KDM4C: variants seen among roughly 807,000 people sequenced by gnomAD.
KDM4C encodes lysine-specific demethylase 4C.
A neutral mutation model predicts 129.3 loss-of-function variants in KDM4C; 81 were observed. That is an observed-to-expected ratio of 0.63 (90% CI 0.52 to 0.75). KDM4C has a LOEUF of 0.75. KDM4C is among the 30% of genes least tolerant of loss of function. The pLI, the probability that KDM4C is intolerant of heterozygous loss-of-function variation, is 0.00. For synonymous variants in KDM4C, 573 were observed against 456.1 expected (o/e 1.26, Z -3.26); for missense variants, 1,457 against 1,304.0 (o/e 1.12, Z -1.81).
chr9:6,863,259 T>C (rs962572452), intron 5 of KDM4C, among the ~76,000 whole-genome samples: 1 of 152,184 alleles, frequency 6.6e-6, no homozygotes, highest in Non-Finnish European at 1.5e-5. Flanking sequence ...TTATTGTTTT[T>C]GAGATGTTTT....
chr9:6,783,538 G>A (rs1442578038), intron 1 of KDM4C, among the ~76,000 whole-genome samples: 1 of 152,122 alleles, frequency 6.6e-6, no homozygotes, highest in African/African-American at 2.4e-5. Context: ...ATCTCCCATA[G>A]TGTCTGTGTT....
chr9:6,853,783 T>G (rs915420930), intron 5 of KDM4C, among the ~76,000 whole-genome samples: 151 of 152,300 alleles, frequency 9.9e-4, no homozygotes, highest in African/African-American at 3.6e-3. Context: ...GAATGAATAT[T>G]GACTTTGGAG....
At position 6,730,353 on chromosome 9, in the gene KDM4C, C is replaced by G. The variant is rs970416375; in HGVS notation, c.49+9356C>G. Among the ~76,000 whole-genome samples, 8 of 152,070 alleles carry G rather than the reference C, an allele frequency of 5.3e-5. No individual in the cohort carries two copies. The East Asian group carries it at 1.5e-3, about 29-fold the overall frequency. On this transcript the variant is annotated intron_variant, in intron 1 of 17. Transcript: ENST00000536108. ...TTGAGCGGCTGGGCGTGGTGGCTCA[C>G]GCCTGTAATTCCAGCACTTTCGGAG... is the stretch of plus-strand genomic sequence containing the variant.
chr9:6,812,739 C>T lies in KDM4C; in HGVS notation c.321-1892C>T, dbSNP rs115180378. Among the ~76,000 whole-genome samples the T allele has an allele frequency of 3.3e-3, 496 of 152,292 alleles. 1 individual carries two copies. Among genetic ancestry groups the T allele is most frequent in the African/African-American group, 0.012 (479 of 41,566 alleles). On this transcript the variant is annotated intron_variant, in intron 3 of 21. Transcript: ENST00000381309. ...CCATTCTCCGGGAAATAGGGATGTA[C>T]ACCTGTCTCTGTCACCTGACTCTGA...
rs778403602 is a variant in KDM4C at position 6,807,325 on chromosome 9, G to C, written c.320+1551G>C. Among the ~76,000 whole-genome samples the C allele has an allele frequency of 5.1e-4, 77 of 150,056 alleles. 1 individual carries two copies. Among genetic ancestry groups the C allele is most frequent in the Admixed American group, 4.1e-3 (62 of 15,142 alleles). Reference sequence around the variant, plus strand: ...CCAACCCGTCTGGGAAGTGAGGAGTGTCTCTGCCTGGCCGCCCATCGTCTG... The same window carrying C: ...CCAACCCGTCTGGGAAGTGAGGAGTCTCTCTGCCTGGCCGCCCATCGTCTG... On this transcript the variant is annotated intron_variant, in intron 3 of 21. Coordinates refer to ENST00000381309, the MANE Select transcript of KDM4C (RefSeq NM_015061.6).
chr9:7,112,129 C>T (rs1232993727), intron 18 of KDM4C, among the ~76,000 whole-genome samples: 4 of 152,092 alleles, frequency 2.6e-5, no homozygotes, highest in African/African-American at 7.2e-5. Context: ...AAGAGTTCCT[C>T]AAAGTAGGGA....
intron 18 of KDM4C, chr9:7,104,111 A>G (rs1837414681): frequency 2.1e-6 from 1 of 467,884 alleles, no homozygotes; most frequent in South Asian, 2.8e-5. Context: ...TGAGTGAATG[A>G]ACAGATGCAT....
intron 1 of KDM4C, among the ~76,000 whole-genome samples, chr9:6,767,201 C>G (rs541348655): frequency 2.0e-3 from 309 of 151,888 alleles, no homozygotes; most frequent in African/African-American, 7.2e-3. Context: ...TGCAGTGGCA[C>G]GATCTCGGCT....
chr9:6,904,071 G>A (rs6477125), intron 8 of KDM4C, among the ~76,000 whole-genome samples: 1 of 151,754 alleles, frequency 6.6e-6, no homozygotes, highest in Non-Finnish European at 1.5e-5. Context: ...GAAACCTCAT[G>A]TCTGCGAAAA....
chr9:6,955,818 G>A (rs561726403), intron 8 of KDM4C, among the ~76,000 whole-genome samples: 1 of 152,182 alleles, frequency 6.6e-6, no homozygotes, highest in Non-Finnish European at 1.5e-5. Context: ...AATTTCCAGA[G>A]CAAGTCACTA....
chr9:7,008,424 A>C (rs974057816), intron 12 of KDM4C, among the ~76,000 whole-genome samples: 1 of 152,182 alleles, frequency 6.6e-6, no homozygotes, highest in Non-Finnish European at 1.5e-5. Context: ...CAGCATTTGC[A>C]GTCCCAGACT....
intron 8 of KDM4C, among the ~76,000 whole-genome samples, chr9:6,939,959 A>AATCTATCTACCTACCTACCT (rs149769129): frequency 4.3e-4 from 48 of 112,466 alleles, no homozygotes; most frequent in South Asian, 2.6e-3. Flanking sequence ...TCCAATAACC[A>AATCTATCTACCTACCTACCT]ACCTACCTAC....
rs755084207 is a variant in KDM4C, at chr9:6,893,273, A to T, written c.921+41A>T. ...AAAATAAAGCAAAAATTAAATGTGT[A>T]TTCTGGTTATTTTAGTAGGAACCCT... On this transcript the variant is annotated intron_variant, in intron 8 of 21. Transcript: ENST00000381309. 12 of 1,549,412 alleles carry T rather than the reference A, an allele frequency of 7.7e-6. No individual in the cohort carries two copies. The South Asian group carries it at 8.2e-5, about 11-fold the overall frequency.
chr9:7,036,477 C>G (rs1827666935), intron 15 of KDM4C, among the ~76,000 whole-genome samples: 1 of 152,148 alleles, frequency 6.6e-6, no homozygotes, highest in South Asian at 2.1e-4. Flanking sequence ...TGTAACATAG[C>G]TACCAGAGCG....
At chr9:6,966,778 A>C (rs1253938352) in intron 8 of KDM4C, among the ~76,000 whole-genome samples, 2 of 152,190 alleles carry the variant, frequency 1.3e-5, no homozygotes, top group Non-Finnish European at 2.9e-5. Flanking sequence ...CTCACCATAC[A>C]CAACTACTAA....
intron 6 of KDM4C, among the ~76,000 whole-genome samples, chr9:6,880,731 T>C (rs1426458011): frequency 1.3e-5 from 2 of 152,220 alleles, no homozygotes; most frequent in Admixed American, 1.3e-4. Flanking sequence ...CTATTGATGA[T>C]CCTGTGCCTG....
intron 1 of KDM4C, among the ~76,000 whole-genome samples, chr9:6,750,458 T>C (rs1818032064): frequency 6.7e-6 from 1 of 150,044 alleles, no homozygotes; most frequent in African/African-American, 2.4e-5. Flanking sequence ...AAAAAAGCTC[T>C]TCACGAGGCA....
chr9:6,761,687 T>C (rs1037395268), intron 1 of KDM4C, among the ~76,000 whole-genome samples: 1 of 152,230 alleles, frequency 6.6e-6, no homozygotes, highest in African/African-American at 2.4e-5. Flanking sequence ...TTCACTTATT[T>C]GCTCTATATT....
chr9:6,778,831 T>TA (rs1448731637), intron 1 of KDM4C, among the ~76,000 whole-genome samples: 1 of 125,448 alleles, frequency 8.0e-6, no homozygotes, highest in Non-Finnish European at 1.7e-5. Flanking sequence ...TTTTTTTTTT[T>TA]AATTATGAGA....
Sources: gnomAD v4.1 joint callset for allele counts (sites outside exome capture counted in the v4.1 genomes callset) on GRCh38, gnomAD v4.1.1 for gene constraint, MANE v1.5 for transcripts, NCBI Gene and HGNC (gene_info 2026-07-23, HGNC 2026-07-21) for gene names.